The following NEK1 variants were observed in gnomAD, a reference collection of about 807,000 sequenced individuals.
The protein encoded by NEK1 is NIMA related kinase 1.
A neutral mutation model predicts 182.1 loss-of-function variants in NEK1; 137 were observed. The ratio of observed to expected loss-of-function variants is 0.75; its 90% CI spans 0.65 to 0.87. The LOEUF (loss-of-function observed/expected upper bound fraction) is 0.87. NEK1 is among the 40% of genes least tolerant of loss of function. NEK1 has a pLI of 0.00. For synonymous variants in NEK1, 513 were observed against 492.2 expected, an observed-to-expected ratio of 1.04 and a Z score of -0.56; for missense variants, 1,391 against 1,494.4, an observed-to-expected ratio of 0.93 and a Z score of 1.14.
intron 31 of NEK1, among the ~76,000 whole-genome samples, chr4:169,420,572 T>A (rs1735320896): frequency 6.6e-6 from 1 of 152,210 alleles, no homozygotes; most frequent in Non-Finnish European, 1.5e-5. Context: ...CGGTCTATTA[T>A]AATCTTATGG....
chr4:169,579,407 T>C (rs1766236189), intron 11 of NEK1, among the ~76,000 whole-genome samples: 1 of 152,174 alleles, frequency 6.6e-6, no homozygotes, highest in African/African-American at 2.4e-5. Flanking sequence ...CCCAGAGAAA[T>C]CATGCTGATT....
intron 19 of NEK1, among the ~76,000 whole-genome samples, chr4:169,528,663 A>G (rs1757243843): frequency 6.6e-6 from 1 of 152,202 alleles, no homozygotes; most frequent in African/African-American, 2.4e-5. Flanking sequence ...GACAGAACTA[A>G]AAGGAGAAAC....
chr4:169,445,849 C>CATATATATATATATATAT (rs70964204), intron 27 of NEK1, among the ~76,000 whole-genome samples: 52 of 140,204 alleles, frequency 3.7e-4, no homozygotes, highest in African/African-American at 1.3e-3. Flanking sequence ...CAACTATATA[C>CATATATATATATATATAT]ATATATATAT....
intron 31 of NEK1, among the ~76,000 whole-genome samples, chr4:169,420,878 A>T (rs1232682956): frequency 2.0e-5 from 3 of 152,226 alleles, no homozygotes; most frequent in Non-Finnish European, 4.4e-5. Flanking sequence ...TGTGATATTA[A>T]TAATTACATT....
chr4:169,576,852 G>A, intron 12 of NEK1, 76 bp downstream of exon 12: 1 of 1,311,274 alleles, frequency 7.6e-7, no homozygotes, highest in Non-Finnish European at 1.1e-6. Context: ...TAATATCAAG[G>A]TAACTGAATT....
chr4:169,533,292 C>G (rs1022232755), intron 19 of NEK1, among the ~76,000 whole-genome samples: 3 of 152,212 alleles, frequency 2.0e-5, no homozygotes, highest in Non-Finnish European at 4.4e-5. Flanking sequence ...CCCACTCATC[C>G]TTCACTCTCA....
intron 23 of NEK1, among the ~76,000 whole-genome samples, chr4:169,495,928 A>C (rs1257068658): frequency 6.6e-6 from 1 of 152,066 alleles, no homozygotes; most frequent in Non-Finnish European, 1.5e-5. Flanking sequence ...AGTTTTTTCC[A>C]ATTCTGTGAA....
chr4:169,433,613 T>G lies in NEK1; in HGVS notation c.2817A>C (p.Lys939Asn), dbSNP rs763009155. ...EILQEPSGTN[K>N]DESLPCTITD... ...TAATAGTGCATGGCAAGCTCTCATC[T>G]TTGTTTGTTCCACTTGGCTCTTGTA... Residue 939 changes from lysine to asparagine, a missense_variant, in exon 29 of 36, where the codon AAA (lysine) becomes AAC (asparagine). By Grantham distance (94) the Lys-to-Asn change is moderately conservative. Transcript: ENST00000507142. The G allele has an allele frequency of 3.7e-6, 6 of 1,613,442 alleles. No homozygotes were observed. In the South Asian group the frequency reaches 6.6e-5, roughly 18 times the overall value.
intron 19 of NEK1, among the ~76,000 whole-genome samples, chr4:169,531,464 C>T (rs1757662509): frequency 6.7e-6 from 1 of 149,674 alleles, no homozygotes; most frequent in African/African-American, 2.4e-5. Flanking sequence ...ATACTACATA[C>T]ATATATGTAT....
In NEK1 at chr4:169,394,405, A is replaced by G; in HGVS notation, c.*105T>C. On this transcript the variant is annotated 3_prime_UTR_variant, in exon 36 of 36. Transcript: ENST00000507142. ...AATAAGAAAGTCCATCTTAAATCTG[A>G]TTTTTTAAATAAATAATTGCTGTAT... 1 of 711,546 alleles carries G rather than the reference A, an allele frequency of 1.4e-6. No homozygotes were observed. Among genetic ancestry groups the G allele is most frequent in the Non-Finnish European group, 2.3e-6 (1 of 426,880 alleles). The allele number at this position is 711,546 out of a possible 1,614,324, so 44.1% of individuals were successfully genotyped here. A position where few individuals can be genotyped will look rare whatever the true frequency, so the allele number is the denominator to read the frequency against.
At chr4:169,454,582 TCATC>T (rs531252482) in intron 27 of NEK1, among the ~76,000 whole-genome samples, 155 of 152,328 alleles carry the variant, frequency 1.0e-3, no homozygotes, top group Non-Finnish European at 1.9e-3. Context: ...GAAAAAATGC[TCATC>T]ATCACTGATC....
chr4:169,496,934 G>A (rs1223321655), intron 23 of NEK1, among the ~76,000 whole-genome samples: 6 of 152,180 alleles, frequency 3.9e-5, no homozygotes, highest in Admixed American at 2.0e-4. Flanking sequence ...GCGTTAGGGA[G>A]GATTCCCTCT....
At chr4:169,427,465 A>G (rs1190032528) in intron 29 of NEK1, among the ~76,000 whole-genome samples, 1 of 150,532 alleles carries the variant, frequency 6.6e-6, no homozygotes, top group Non-Finnish European at 1.5e-5. Flanking sequence ...TCTCATTTTC[A>G]GATTTTCAAC....
intron 19 of NEK1, among the ~76,000 whole-genome samples, chr4:169,537,394 A>G (rs560482138): frequency 6.6e-6 from 1 of 152,170 alleles, no homozygotes; most frequent in Non-Finnish European, 1.5e-5. Context: ...ATATATACTT[A>G]CCCAAATACT....
In NEK1 at chr4:169,610,191, G is replaced by A. The variant is rs557204889; in HGVS notation, c.-49+1829C>T. ...TAATTTTTGTATTTTTAGTAGAGAC[G>A]GGGTTTCGCCATACTGGCCAGGCTG... On this transcript the variant is annotated intron_variant, in intron 2 of 35. Coordinates refer to ENST00000507142, the MANE Select transcript of NEK1 (RefSeq NM_001199397.3). 9.2e-5 allele frequency among the ~76,000 whole-genome samples: 14 copies of A among 152,054 alleles called. No homozygotes were observed. In the East Asian group the frequency reaches 1.9e-3, roughly 21 times the overall value.
chr4:169,501,374 T>G (rs1235167691), intron 23 of NEK1, among the ~76,000 whole-genome samples: 1 of 151,278 alleles, frequency 6.6e-6, no homozygotes, highest in African/African-American at 2.4e-5. Flanking sequence ...ATTCTAGACT[T>G]AAATTGGACA....
At chr4:169,505,047 T>TA (rs1354530549) in intron 23 of NEK1, among the ~76,000 whole-genome samples, 1 of 152,068 alleles carries the variant, frequency 6.6e-6, no homozygotes, top group Non-Finnish European at 1.5e-5. Flanking sequence ...AAATTTTTTT[T>TA]AAGGCACAAC....
Position 169,582,898 on chromosome 4 carries a change from C to T in NEK1, c.808-1996G>A, listed in dbSNP as rs906820448. 2.0e-5 allele frequency among the ~76,000 whole-genome samples: 3 copies of T among 152,088 alleles called. No homozygotes were observed. The East Asian group carries it at 5.8e-4, about 29-fold the overall frequency. The stretch of plus-strand genomic sequence containing the variant: ...ATAGAACATTTTCATCATCACAGAG[C>T]ATTCCACTGGACAGCCCCTACATTC... On this transcript the variant is annotated intron_variant, in intron 10 of 35. Transcript: ENST00000507142.
chr4:169,427,583 C>G (rs1736623583), intron 29 of NEK1, among the ~76,000 whole-genome samples: 1 of 152,026 alleles, frequency 6.6e-6, no homozygotes, highest in Non-Finnish European at 1.5e-5. Context: ...CCGCCTCCTC[C>G]TCCCAGGTTC....
Sources: allele counts gnomAD v4.1 joint callset (sites outside exome capture counted in the v4.1 genomes callset), GRCh38; gene constraint gnomAD v4.1.1; transcripts MANE v1.5; gene names NCBI Gene and HGNC (gene_info 2026-07-23, HGNC 2026-07-21).